SMARCC1: variants seen among roughly 807,000 people sequenced by gnomAD.
The protein encoded by SMARCC1 is SWI/SNF related BAF chromatin remodeling complex subunit C1.
Under a neutral mutation model 147.4 loss-of-function variants are expected in SMARCC1, and 43 were observed. That is an observed-to-expected ratio of 0.29 (90% CI 0.23 to 0.38). The LOEUF (loss-of-function observed/expected upper bound fraction) is 0.38, where lower values mean the gene tolerates loss of function less well. Among genes scored for constraint, SMARCC1 ranks in the 10% least tolerant of loss-of-function variants. The probability of loss-of-function intolerance (pLI) is 1.00; values close to 1 mark genes in which losing one functional copy is unlikely to be tolerated. For synonymous variants in SMARCC1, 495 were observed against 484.4 expected (o/e 1.02, Z -0.29); for missense variants, 1,119 against 1,381.1 (o/e 0.81, Z 3.01).
chr3:47,731,566 C>T (rs922136395), intron 5 of SMARCC1, among the ~76,000 whole-genome samples: 2 of 152,200 alleles, frequency 1.3e-5, no homozygotes, highest in Non-Finnish European at 2.9e-5. Flanking sequence ...TCTATCTTTA[C>T]AAAATGTATT....
intron 25 of SMARCC1, among the ~76,000 whole-genome samples, chr3:47,611,961 A>C (rs1237826540): frequency 6.6e-6 from 1 of 152,198 alleles, no homozygotes; most frequent in Non-Finnish European, 1.5e-5. Context: ...GATTTTCTGA[A>C]ACAAAACATT....
chr3:47,740,178 C>CTTTTTTTTT lies in SMARCC1; in HGVS notation c.402-2077_402-2069dup, dbSNP rs34523367. On this transcript the variant is annotated intron_variant, in intron 3 of 27. Transcript: ENST00000254480. Reference sequence around the variant, plus strand: ...GATGTGAGCCACCACGCCCGGCCATCTTTTTTTTTTTTTTTTTTTTTTTTT... The same window carrying CTTTTTTTTT: ...GATGTGAGCCACCACGCCCGGCCATCTTTTTTTTTTTTTTTTTTTTTTTTTTTTTTTTTT... Among the ~76,000 whole-genome samples the CTTTTTTTTT allele has an allele frequency of 4.2e-4, 15 of 35,720 alleles. 1 individual carries two copies. Among genetic ancestry groups the CTTTTTTTTT allele is most frequent in the East Asian group, 1.2e-3 (1 of 868 alleles). 23.4% of individuals were successfully genotyped at this position (35,720 alleles called of 152,430 possible). A position where few individuals can be genotyped will look rare whatever the true frequency, so the allele number is the denominator to read the frequency against.
intron 21 of SMARCC1, among the ~76,000 whole-genome samples, chr3:47,642,184 C>A (rs2033056776): frequency 6.6e-6 from 1 of 152,118 alleles, no homozygotes; most frequent in Admixed American, 6.5e-5. Flanking sequence ...TAGTAACTTG[C>A]AAAAGATTAG....
At chr3:47,636,200 T>G in intron 22 of SMARCC1, 64 bp from the exon 23 acceptor site, 1 of 817,218 alleles carries the variant, frequency 1.2e-6, no homozygotes, top group South Asian at 1.5e-5. Context: ...TTTTTATGAG[T>G]AATTATCTTA....
intron 21 of SMARCC1, among the ~76,000 whole-genome samples, chr3:47,641,371 A>G (rs1390493342): frequency 6.6e-6 from 1 of 152,148 alleles, no homozygotes; most frequent in Non-Finnish European, 1.5e-5. Flanking sequence ...CCTGGTCTCA[A>G]CTACTCAGGA....
In SMARCC1 at chr3:47,586,153, G is replaced by C. The variant is rs935256658; in HGVS notation, c.*2056C>G. On this transcript the variant is annotated 3_prime_UTR_variant, in exon 28 of 28. Coordinates refer to ENST00000254480, the MANE Select transcript of SMARCC1 (RefSeq NM_003074.4). ...GAAATATAACAGTGTTAAGAATTCA[G>C]GTATTTTGTAGAATTATTACTATAG... The C allele has an allele frequency of 3.9e-5, 6 of 152,284 alleles. No individual in the cohort carries two copies. The highest frequency in any genetic ancestry group is 1.4e-4 in the African/African-American group (6 of 41,392). 9.4% of individuals were successfully genotyped at this position (152,284 alleles called of 1,614,324 possible).
intron 2 of SMARCC1, among the ~76,000 whole-genome samples, chr3:47,751,718 A>C (rs1446646515): frequency 6.6e-6 from 1 of 152,112 alleles, no homozygotes; most frequent in Non-Finnish European, 1.5e-5. Flanking sequence ...TAAAAATAAA[A>C]ATAAATAAAA....
chr3:47,603,794 C>A, intron 26 of SMARCC1: 1 of 323,798 alleles, frequency 3.1e-6, no homozygotes, highest in Non-Finnish European at 6.0e-6. Flanking sequence ...TTGGGGCCAA[C>A]CTCAGTTTCC....
At chr3:47,596,089 G>A (rs1304979899) in intron 26 of SMARCC1, among the ~76,000 whole-genome samples, 1 of 133,622 alleles carries the variant, frequency 7.5e-6, no homozygotes, top group African/African-American at 2.6e-5. Flanking sequence ...AAACAAAACT[G>A]CTGGGTCTGT....
chr3:47,609,430 G>C (rs527964215), intron 26 of SMARCC1, among the ~76,000 whole-genome samples: 143 of 152,090 alleles, frequency 9.4e-4, no homozygotes, highest in African/African-American at 3.3e-3. Context: ...CCAGGAGGCG[G>C]AGCTTGCAGT....
intron 21 of SMARCC1, among the ~76,000 whole-genome samples, chr3:47,642,719 T>A (rs1160451217): frequency 1.3e-5 from 2 of 152,092 alleles, no homozygotes; most frequent in African/African-American, 4.8e-5. Context: ...CTGCCTGGAA[T>A]GTAAAATAGT....
chr3:47,712,609 A>G (rs1477884128), intron 8 of SMARCC1, among the ~76,000 whole-genome samples: 2 of 151,856 alleles, frequency 1.3e-5, no homozygotes, highest in African/African-American at 4.8e-5. Context: ...TAATGCGGGT[A>G]TTATACTCTC....
intron 1 of SMARCC1, among the ~76,000 whole-genome samples, chr3:47,774,273 A>T (rs2034948820): frequency 7.0e-6 from 1 of 142,638 alleles, no homozygotes; most frequent in Non-Finnish European, 1.5e-5. Context: ...GTCTTCTTCC[A>T]TCACTTAGCC....
At chr3:47,732,397 C>T (rs573157572) in intron 5 of SMARCC1, among the ~76,000 whole-genome samples, 1 of 152,312 alleles carries the variant, frequency 6.6e-6, no homozygotes, top group East Asian at 1.9e-4. Context: ...TGCATGTTCA[C>T]TACAGTCCCA....
At chr3:47,625,394 C>T (rs2032794606) in intron 24 of SMARCC1, among the ~76,000 whole-genome samples, 1 of 152,038 alleles carries the variant, frequency 6.6e-6, no homozygotes, top group South Asian at 2.1e-4. Context: ...ACCACCACAC[C>T]CAGTTAACTT....
At chr3:47,737,606 C>A (rs1036644338) in intron 4 of SMARCC1, among the ~76,000 whole-genome samples, 2 of 152,084 alleles carry the variant, frequency 1.3e-5, no homozygotes, top group Non-Finnish European at 2.9e-5. Flanking sequence ...TTTTGGCAAT[C>A]CAATAAAGCC....
chr3:47,708,303 G>C (rs1489307173), intron 9 of SMARCC1, among the ~76,000 whole-genome samples: 1 of 151,004 alleles, frequency 6.6e-6, no homozygotes, highest in African/African-American at 2.4e-5. Flanking sequence ...ACCATGCCCA[G>C]CTAATTTTTG....
rs1466955671 is a variant in SMARCC1, at chr3:47,624,861, C to T, written c.2647-2520G>A. On this transcript the variant is annotated intron_variant, in intron 24 of 27. Transcript: ENST00000254480. Reference sequence around the variant, plus strand: ...GGCCAGGAGTTCAAAACCAGCCTGGCCAACATAGTAAAACCCTGTCTGTAC... The same window carrying T: ...GGCCAGGAGTTCAAAACCAGCCTGGTCAACATAGTAAAACCCTGTCTGTAC... Among the ~76,000 whole-genome samples the T allele has an allele frequency of 2.0e-5, 3 of 148,502 alleles. No homozygotes were observed. The Admixed American group carries it at 2.0e-4, about 10-fold the overall frequency.
At chr3:47,658,004 GC>G (rs2033286392) in intron 21 of SMARCC1, among the ~76,000 whole-genome samples, 2 of 151,696 alleles carry the variant, frequency 1.3e-5, no homozygotes, top group African/African-American at 4.8e-5. Flanking sequence ...TTAACCCAAA[GC>G]AAGCAGAAGG....
Sources: allele counts gnomAD v4.1 joint callset (sites outside exome capture counted in the v4.1 genomes callset), GRCh38; gene constraint gnomAD v4.1.1; transcripts MANE v1.5; gene names NCBI Gene and HGNC (gene_info 2026-07-23, HGNC 2026-07-21).